SLC6A16: variants seen among roughly 807,000 people sequenced by gnomAD.
SLC6A16 encodes the protein orphan sodium- and chloride-dependent neurotransmitter transporter NTT5.
Under a neutral mutation model 65.4 loss-of-function variants are expected in SLC6A16, and 54 were observed. That is an observed-to-expected ratio of 0.83 (90% CI 0.66 to 1.04). The LOEUF (loss-of-function observed/expected upper bound fraction) is 1.04. SLC6A16 is among the 50% of genes least tolerant of loss of function. SLC6A16 has a pLI of 0.00. For missense variants in SLC6A16, 816 were observed against 914.0 expected (o/e 0.89, Z 1.38); for synonymous variants, 330 against 346.5 (o/e 0.95, Z 0.53).
the SLC6A16 span, chr19:49,339,918 C>T: frequency 2.2e-6 from 3 of 1,363,768 alleles, no homozygotes; most frequent in Non-Finnish European, 9.5e-7. The surrounding 1 kb of genome is among the most constrained non-coding windows in gnomAD (Gnocchi z 4.5). Flanking sequence ...ACCAGCCTGA[C>T]ACTGGAAGTG....
rs144622451 is a variant in SLC6A16 at position 49,311,362 on chromosome 19, C to T, written c.-15G>A. ...TCTGTCTTCATCTCACACAGACTCT[C>T]TGGGGCAGCTCCCGCTTCTGCAAGG... On this transcript the variant is annotated 5_prime_UTR_variant, in exon 2 of 12. Coordinates refer to ENST00000335875, the MANE Select transcript of SLC6A16 (RefSeq NM_014037.3). The T allele has an allele frequency of 6.4e-3, 9,911 of 1,543,196 alleles. 29 individuals are homozygous for T. The highest frequency in any genetic ancestry group is 7.5e-3 in the Non-Finnish European group (8,618 of 1,145,780).
At chr19:49,326,165 G>A (rs972541793), upstream of SLC6A16, among the ~76,000 whole-genome samples, 2 of 149,538 alleles carry the variant, frequency 1.3e-5, no homozygotes, top group Non-Finnish European at 3.0e-5. Context: ...GCAAGACTCC[G>A]TCTCAAAAAA....
chr19:49,305,242 T>G (rs1403101274), intron 7 of SLC6A16, among the ~76,000 whole-genome samples: 5 of 152,204 alleles, frequency 3.3e-5, no homozygotes, highest in Admixed American at 6.5e-5. Flanking sequence ...GAGCAGCCCT[T>G]GCTGGCCAGC....
chr19:49,309,140 A>G, intron 6 of SLC6A16, 23 bp from the exon 7 acceptor site: 1 of 1,611,562 alleles, frequency 6.2e-7, no homozygotes, highest in Admixed American at 1.7e-5. Flanking sequence ...AGACAAGCAT[A>G]AGGGGGTTGT....
the SLC6A16 span, chr19:49,338,259 C>G: frequency 8.5e-7 from 1 of 1,178,992 alleles, no homozygotes; most frequent in African/African-American, 1.6e-5. This position sits in a 1 kb window ranked among gnomAD's most constrained non-coding sequence, Gnocchi z 5.0. Context: ...TCGAGAGACT[C>G]CGCCCCCGCC....
chr19:49,326,607 A>G (rs1340446212), upstream of SLC6A16, among the ~76,000 whole-genome samples: 3 of 152,224 alleles, frequency 2.0e-5, no homozygotes, highest in Non-Finnish European at 2.9e-5. Flanking sequence ...AAATGCTAGG[A>G]ACTGGGAATA....
In SLC6A16 at chr19:49,293,384, T is replaced by G. The variant is rs769590178; in HGVS notation, c.1619-2A>C. 1.9e-6 allele frequency: 3 copies of G among 1,613,938 alleles called. No individual in the cohort carries two copies. Among genetic ancestry groups the G allele is most frequent in the African/African-American group, 2.7e-5 (2 of 75,022 alleles). On this transcript the variant is annotated splice_acceptor_variant, in intron 9 of 11. Transcript: ENST00000335875. LOFTEE classifies it high-confidence loss of function. Reference sequence around the variant, plus strand: ...CGAACATGAGCAAAAAGACTCCCACTGGAGAAAACATGAGATCTGGATCAA... The same window carrying G: ...CGAACATGAGCAAAAAGACTCCCACGGGAGAAAACATGAGATCTGGATCAA...
chr19:49,290,055 G>T lies in SLC6A16; in HGVS notation c.*68C>A. The T allele has an allele frequency of 6.8e-7, 1 of 1,478,650 alleles. No homozygotes were observed. Among genetic ancestry groups the T allele is most frequent in the Non-Finnish European group, 9.2e-7 (1 of 1,084,608 alleles). The allele number at this position is 1,478,650 out of a possible 1,614,324, so 91.6% of individuals were successfully genotyped here. Reference sequence around the variant, plus strand: ...GATCCAGGGAGATCAACAGTTGCAAGCTGATATTAAGAGTTGTCTATTGGA... The same window carrying T: ...GATCCAGGGAGATCAACAGTTGCAATCTGATATTAAGAGTTGTCTATTGGA... On this transcript the variant is annotated 3_prime_UTR_variant, in exon 12 of 12. Transcript: ENST00000335875.
the SLC6A16 span, chr19:49,339,886 C>T: frequency 2.2e-6 from 3 of 1,341,918 alleles, no homozygotes; most frequent in Middle Eastern, 2.9e-4. This position sits in a 1 kb window ranked among gnomAD's most constrained non-coding sequence, Gnocchi z 4.5. Flanking sequence ...GGGGCTCTGG[C>T]CGCTGTGGGT....
intron 7 of SLC6A16, among the ~76,000 whole-genome samples, chr19:49,300,626 A>G (rs1448321196): frequency 6.6e-6 from 1 of 152,162 alleles, no homozygotes; most frequent in African/African-American, 2.4e-5. Flanking sequence ...AAAACAAAAT[A>G]CAGACCAGGA....
At chr19:49,308,615 G>C (rs1318707589) in intron 7 of SLC6A16, among the ~76,000 whole-genome samples, 1 of 152,106 alleles carries the variant, frequency 6.6e-6, no homozygotes, top group African/African-American at 2.4e-5. Context: ...ATCCCTGTTA[G>C]CATATCCACT....
chr19:49,311,226 G>T lies in SLC6A16; in HGVS notation c.122C>A (p.Ser41Tyr), dbSNP rs954706679. Residue 41 changes from serine (S) to tyrosine (Y), a missense_variant, in exon 2 of 12, where the codon TCT (serine) becomes TAT (tyrosine). By Grantham distance (144) the Ser-to-Tyr change is moderately radical. Coordinates refer to ENST00000335875, the MANE Select transcript of SLC6A16 (RefSeq NM_014037.3). The part of the protein sequence containing the change: ...TWEDKGSLTR[S>Y]ATSWTSEAQV... ...GGCCTCTGAGGTCCAAGATGTTGCA[G>T]ACCGGGTCAATGAACCCTTGTCTTC... 1.9e-6 allele frequency: 3 copies of T among 1,614,028 alleles called. No homozygotes were observed. The highest frequency in any genetic ancestry group is 2.5e-6 in the Non-Finnish European group (3 of 1,180,020).
In SLC6A16 at chr19:49,313,890, A is replaced by G. The variant is rs373953444; in HGVS notation, c.-64-2479T>C. On this transcript the variant is annotated intron_variant, in intron 1 of 11. Transcript: ENST00000335875. ...TGGGTGGATCACCTGAGGTCAGGAG[A>G]TCGAGACCATCCTGGCTAACACGGT... is the stretch of plus-strand genomic sequence containing the variant. 1.8e-4 allele frequency among the ~76,000 whole-genome samples: 27 copies of G among 152,054 alleles called. 1 individual carries two copies. Among genetic ancestry groups the G allele is most frequent in the African/African-American group, 6.0e-4 (25 of 41,498 alleles).
At chr19:49,324,156 C>G (rs886258388) in intron 1 of SLC6A16, among the ~76,000 whole-genome samples, 1 of 152,078 alleles carries the variant, frequency 6.6e-6, no homozygotes, top group Non-Finnish European at 1.5e-5. Context: ...ACAGTGAAAC[C>G]CCGTTTCTAC....
At chr19:49,340,206 C>T in the SLC6A16 span, 1 of 1,564,102 alleles carries the variant, frequency 6.4e-7, no homozygotes, top group Non-Finnish European at 8.8e-7. Flanking sequence ...CCCCGTCTCG[C>T]CAGCACCCCT....
At position 49,310,490 on chromosome 19, in the gene SLC6A16, T is replaced by C. The variant is rs371853719; in HGVS notation, c.436A>G (p.Ile146Val). Residue 146 changes from isoleucine (I) to valine (V), a missense_variant, in exon 3 of 12, where the codon ATC becomes GTC. Transcript: ENST00000335875. ...SGGCSFAAIY[I>V]FMLFLVGVPL... ...ACCCCGACCAGGAACAGCATGAAGATGTAGATGGCAGCGAAACTGCCTGTG... is the reference window on the plus strand; with the variant it reads ...ACCCCGACCAGGAACAGCATGAAGACGTAGATGGCAGCGAAACTGCCTGTG... 7.4e-6 allele frequency: 12 copies of C among 1,613,864 alleles called. No homozygotes were observed. In the African/African-American group the frequency reaches 1.5e-4, roughly 20 times the overall value.
chr19:49,339,559 C>T, the SLC6A16 span: 2 of 1,467,002 alleles, frequency 1.4e-6, no homozygotes, highest in African/African-American at 1.4e-5. This position sits in a 1 kb window ranked among gnomAD's most constrained non-coding sequence, Gnocchi z 4.5. Flanking sequence ...CACCCAGCAC[C>T]GGAGGGTGGG....
chr19:49,338,074 G>C, the SLC6A16 span: 2 of 1,602,096 alleles, frequency 1.2e-6, no homozygotes, highest in Non-Finnish European at 1.7e-6. The surrounding 1 kb of genome is among the most constrained non-coding windows in gnomAD (Gnocchi z 5.0). Context: ...ACCCGCCTCA[G>C]CCCTGTGCTT....
chr19:49,319,873 T>C (rs1337223200), intron 1 of SLC6A16, among the ~76,000 whole-genome samples: 3 of 152,162 alleles, frequency 2.0e-5, no homozygotes, highest in Non-Finnish European at 2.9e-5. Flanking sequence ...ACAAAATATC[T>C]TCTCCAGCCA....
Sources: gnomAD v4.1 joint callset for allele counts (sites outside exome capture counted in the v4.1 genomes callset) on GRCh38, gnomAD v4.1.1 for gene constraint, Gnocchi (gnomAD v3.1) non-coding constraint, MANE v1.5 for transcripts, NCBI Gene and HGNC (gene_info 2026-07-23, HGNC 2026-07-21) for gene names.